CA5A: variants seen among roughly 807,000 people sequenced by gnomAD.
CA5A encodes the protein carbonic anhydrase 5A, also known as carbonic anhydrase 5A, mitochondrial.
In CA5A, 28 loss-of-function variants were observed where a neutral mutation model predicts 37.1. That is an observed-to-expected ratio of 0.75 (90% CI 0.56 to 1.03). CA5A has a LOEUF of 1.03. Among genes scored for constraint, CA5A ranks in the 50% least tolerant of loss-of-function variants. The pLI is 0.00. For missense variants in CA5A, 444 were observed against 399.9 expected, an observed-to-expected ratio of 1.11 and a Z score of -0.94; for synonymous variants, 171 against 158.4, an observed-to-expected ratio of 1.08 and a Z score of -0.60.
intron 2 of CA5A, among the ~76,000 whole-genome samples, chr16:87,913,531 TAG>T (rs2056083096): frequency 6.6e-6 from 1 of 152,168 alleles, no homozygotes; most frequent in Non-Finnish European, 1.5e-5. Context: ...TTGCGTGTGC[TAG>T]AGTCTATTCA....
At chr16:87,887,037 G>A (rs1289789471), downstream of CA5A, 1 of 152,058 alleles carries the variant, frequency 6.6e-6, no homozygotes, top group South Asian at 2.1e-4. Flanking sequence ...TGAGTAGCTG[G>A]GATTACAGGC....
rs587777316 is a variant in CA5A at position 87,891,876 on chromosome 16, A to G, written c.697T>C (p.Ser233Pro). Residue 233 changes from serine to proline, a missense_variant, in exon 6 of 7, where the codon TCG (serine) becomes CCG (proline). Coordinates refer to ENST00000649794, the MANE Select transcript of CA5A (RefSeq NM_001739.2). ...TCWDYWTYAGSLTTPPLTESV... is the reference protein window; with the variant it reads ...TCWDYWTYAGPLTTPPLTESV... Reference sequence around the variant, plus strand: ...TCGGTCAGCGGCGGGGTGGTGAGCGAGCCCGCGTAGGTCCAGTAATCCCAG... The same window carrying G: ...TCGGTCAGCGGCGGGGTGGTGAGCGGGCCCGCGTAGGTCCAGTAATCCCAG... 51 of 1,574,768 alleles carry G rather than the reference A, an allele frequency of 3.2e-5. No homozygotes were observed. The highest frequency in any genetic ancestry group is 4.0e-5 in the Non-Finnish European group (47 of 1,162,196).
chr16:87,915,848 A>G (rs1404576566), intron 2 of CA5A, among the ~76,000 whole-genome samples: 2 of 152,078 alleles, frequency 1.3e-5, no homozygotes, highest in African/African-American at 4.8e-5. Context: ...TAAGCCAATA[A>G]CATTTAATAA....
At chr16:87,901,478 CCACAGCCCCTTGGCGGGGCTCTTTCCA>C (rs2055876772) in intron 5 of CA5A, among the ~76,000 whole-genome samples, 1 of 152,256 alleles carries the variant, frequency 6.6e-6, no homozygotes, top group African/African-American at 2.4e-5. Context: ...AGAACTGGAA[CCACAGCCCCTTGGCGGGGCTCTTTCCA>C]CTACGCCATT....
intron 1 of CA5A, among the ~76,000 whole-genome samples, chr16:87,929,837 A>T (rs995938836): frequency 1.6e-5 from 2 of 125,276 alleles, no homozygotes; most frequent in Admixed American, 2.2e-4. Flanking sequence ...GCGCCACCGC[A>T]CTCCAGCCTG....
At position 87,888,067 on chromosome 16, in the gene CA5A, C is replaced by G. The variant is rs887944703; in HGVS notation, c.*62G>C. On this transcript the variant is annotated 3_prime_UTR_variant, in exon 7 of 7. Coordinates refer to ENST00000649794, the MANE Select transcript of CA5A (RefSeq NM_001739.2). ...AGTCATGTACAATCACATTGTGAAACTTGGGAAACAACGCTTCCTTCCTTC... is the reference window on the plus strand; with the variant it reads ...AGTCATGTACAATCACATTGTGAAAGTTGGGAAACAACGCTTCCTTCCTTC... The G allele has an allele frequency of 6.6e-7, 1 of 1,524,506 alleles. No homozygotes were observed. The highest frequency in any genetic ancestry group is 8.8e-7 in the Non-Finnish European group (1 of 1,132,632). 94.4% of individuals were successfully genotyped at this position (1,524,506 alleles called of 1,614,324 possible). A position where few individuals can be genotyped will look rare whatever the true frequency, so the allele number is the denominator to read the frequency against.
At chr16:87,897,139 C>T (rs1480623689) in intron 5 of CA5A, among the ~76,000 whole-genome samples, 1 of 152,226 alleles carries the variant, frequency 6.6e-6, no homozygotes, top group Non-Finnish European at 1.5e-5. Context: ...GCTGCTGCTG[C>T]CAAAGCTAGA....
Position 87,936,405 on chromosome 16 carries a change from C to A in CA5A, c.46G>T (p.Val16Phe), listed in dbSNP as rs1242920938. 1 of 1,614,046 alleles carries A rather than the reference C, an allele frequency of 6.2e-7. No homozygotes were observed. Among genetic ancestry groups the A allele is most frequent in the Non-Finnish European group, 8.5e-7 (1 of 1,179,974 alleles). ...CAGAGAGGGGCCCACATCTGCTCAA[C>A]CAAGAAGGAGAAAGCTGAGGTCTTC... ...TWKTSAFSFL[V>F]EQMWAPLWSR... Residue 16 changes from valine (V) to phenylalanine (F), a missense_variant, in exon 1 of 7, where the codon GTT becomes TTT. By Grantham distance (50) the Val-to-Phe change is conservative. Transcript: ENST00000649794.
At chr16:87,933,297 C>A (rs544942087) in intron 1 of CA5A, among the ~76,000 whole-genome samples, 1 of 152,224 alleles carries the variant, frequency 6.6e-6, no homozygotes, top group Non-Finnish European at 1.5e-5. Context: ...ACCAACGTAA[C>A]GTTGCTGATC....
At chr16:87,925,942 G>C (rs570815062) in intron 2 of CA5A, among the ~76,000 whole-genome samples, 1 of 152,362 alleles carries the variant, frequency 6.6e-6, no homozygotes, top group Admixed American at 6.5e-5. Flanking sequence ...GTCAGCGAGG[G>C]CCGGGCGCGG....
chr16:87,926,610 G>T (rs529321634), intron 2 of CA5A, 138 bp downstream of exon 2: 43 of 675,748 alleles, frequency 6.4e-5, no homozygotes, highest in Admixed American at 6.2e-4. Context: ...CCTCCCTCAA[G>T]CGAGTCTCTG....
intron 5 of CA5A, among the ~76,000 whole-genome samples, chr16:87,899,763 T>C (rs1334994337): frequency 6.7e-6 from 1 of 149,700 alleles, no homozygotes; most frequent in African/African-American, 2.4e-5. Flanking sequence ...CTACTAAAAA[T>C]ACAAAAATTA....
At chr16:87,910,876 A>G (rs1322080793) in intron 2 of CA5A, among the ~76,000 whole-genome samples, 1 of 151,980 alleles carries the variant, frequency 6.6e-6, no homozygotes, top group East Asian at 1.9e-4. Context: ...GTGCTTCCCG[A>G]GTAGCTGGGA....
chr16:87,915,943 A>G (rs1483880473), intron 2 of CA5A, among the ~76,000 whole-genome samples: 6 of 152,022 alleles, frequency 3.9e-5, no homozygotes, highest in African/African-American at 1.4e-4. Context: ...AAGAGGTTGA[A>G]TGGACTCACA....
At chr16:87,903,732 C>A (rs758491228) in intron 3 of CA5A, among the ~76,000 whole-genome samples, 2 of 152,090 alleles carry the variant, frequency 1.3e-5, no homozygotes, top group African/African-American at 4.8e-5. Context: ...ATAACAACAA[C>A]AAGTTCAAAA....
intron 6 of CA5A, among the ~76,000 whole-genome samples, chr16:87,889,056 CT>C (rs1163838353): frequency 6.6e-6 from 1 of 151,904 alleles, no homozygotes; most frequent in African/African-American, 2.4e-5. Flanking sequence ...AGTAGCTGGG[CT>C]TACAGGCATG....
intron 2 of CA5A, among the ~76,000 whole-genome samples, chr16:87,924,935 T>TC (rs1344236446): frequency 3.9e-5 from 6 of 152,178 alleles, no homozygotes; most frequent in African/African-American, 1.4e-4. Flanking sequence ...GCAGTGGCCA[T>TC]CCCTTCTCTC....
chr16:87,889,736 A>G (rs7205878), intron 6 of CA5A, among the ~76,000 whole-genome samples: 26,401 of 151,952 alleles, frequency 0.17, 2,444 homozygotes, highest in South Asian at 0.27. Flanking sequence ...ACGCCATTGC[A>G]CTCCAGCCCG....
chr16:87,925,775 G>A (rs1429681064), intron 2 of CA5A: 1 of 152,192 alleles, frequency 6.6e-6, no homozygotes, highest in Non-Finnish European at 1.5e-5. Context: ...AGGGCTTGGT[G>A]GCTTTCAGGA....
Sources: allele counts gnomAD v4.1 joint callset (sites outside exome capture counted in the v4.1 genomes callset), GRCh38; gene constraint gnomAD v4.1.1; transcripts MANE v1.5; gene names NCBI Gene and HGNC (gene_info 2026-07-23, HGNC 2026-07-21).